The following PCDHA4 variants were observed in gnomAD, a reference collection of about 807,000 sequenced individuals.
The protein encoded by PCDHA4 is protocadherin alpha 4.
A neutral mutation model predicts 61.4 loss-of-function variants in PCDHA4; 49 were observed. The observed-to-expected ratio is 0.80, with a 90% CI of 0.63 to 1.01. The LOEUF is 1.01. Among genes scored for constraint, PCDHA4 ranks in the 50% least tolerant of loss-of-function variants. PCDHA4 has a pLI of 0.00. For missense variants in PCDHA4, 1,254 were observed against 1,235.8 expected, an observed-to-expected ratio of 1.01 and a Z score of -0.22; for synonymous variants, 590 against 550.3, an observed-to-expected ratio of 1.07 and a Z score of -1.01.
Position 140,994,560 on chromosome 5 carries a change from C to T in PCDHA4, c.2533+11997C>T, listed in dbSNP as rs140191916. Among the ~76,000 whole-genome samples, 970 of 152,032 alleles carry T rather than the reference C, an allele frequency of 6.4e-3. 14 individuals carry two copies. Among genetic ancestry groups the T allele is most frequent in the African/African-American group, 0.023 (943 of 41,474 alleles). On this transcript the variant is annotated intron_variant, in intron 3 of 3. Coordinates refer to ENST00000530339, the MANE Select transcript of PCDHA4 (RefSeq NM_018907.4). ...TCTACAAAAAAAATATAAAAATTAG[C>T]CGGGTGTGGTGGCATGCACTTGTAG...
rs2150360253 is a variant in PCDHA4, at chr5:140,843,448, C to T, written c.2385+33876C>T. ...TCATCGCCATCTGCGCGGTATCCAGCCTGCTGGTGCTCACGCTGCTGCTGT... is the reference window on the plus strand; with the variant it reads ...TCATCGCCATCTGCGCGGTATCCAGTCTGCTGGTGCTCACGCTGCTGCTGT... On this transcript the variant is annotated intron_variant, in intron 1 of 3. Transcript: ENST00000530339. The T allele has an allele frequency of 1.9e-6, 3 of 1,595,998 alleles. No homozygotes were observed. The South Asian group carries it at 3.3e-5, about 18-fold the overall frequency.
At chr5:140,827,338 G>A (rs1158154683) in intron 1 of PCDHA4, among the ~76,000 whole-genome samples, 1 of 152,144 alleles carries the variant, frequency 6.6e-6, no homozygotes, top group Non-Finnish European at 1.5e-5. Flanking sequence ...AAGTGGTGAA[G>A]TATATGAAAA....
intron 3 of PCDHA4, 32 bp downstream of exon 3, chr5:140,982,595 G>A (rs1554244629): frequency 6.2e-7 from 1 of 1,609,520 alleles, no homozygotes; most frequent in Non-Finnish European, 8.5e-7. Flanking sequence ...ATTCTTTCTT[G>A]GTTTCTGGAA....
intron 1 of PCDHA4, among the ~76,000 whole-genome samples, chr5:140,895,223 G>A (rs782692616): frequency 4.0e-4 from 61 of 152,232 alleles, no homozygotes; most frequent in Admixed American, 2.6e-4. Flanking sequence ...ATATTTTACT[G>A]AGTTTTCTCA....
At chr5:140,828,657 A>C in intron 1 of PCDHA4, 1 of 1,614,208 alleles carries the variant, frequency 6.2e-7, no homozygotes, top group Non-Finnish European at 8.5e-7. Context: ...AGTGATGACA[A>C]TAAACAAATT....
At chr5:140,834,986 C>G (rs2150229667) in intron 1 of PCDHA4, 1 of 1,457,962 alleles carries the variant, frequency 6.9e-7, no homozygotes, top group Admixed American at 2.1e-5. Flanking sequence ...AACTTTTAGA[C>G]AGAGAAGAAA....
At chr5:140,870,371 T>C (rs1419353241) in intron 1 of PCDHA4, 52 of 1,613,894 alleles carry the variant, frequency 3.2e-5, no homozygotes, top group Non-Finnish European at 4.2e-5. Flanking sequence ...TATGAACTGG[T>C]GGTGACTGCG....
At chr5:140,877,270 G>C in intron 1 of PCDHA4, 2 of 1,613,864 alleles carry the variant, frequency 1.2e-6, no homozygotes, top group Non-Finnish European at 1.7e-6. Context: ...GGTGGACGCT[G>C]ACTCCGGCTA....
intron 3 of PCDHA4, among the ~76,000 whole-genome samples, chr5:141,005,884 T>G (rs1554260408): frequency 6.6e-6 from 1 of 151,862 alleles, no homozygotes; most frequent in Non-Finnish European, 1.5e-5. Flanking sequence ...GAGTTTGAGG[T>G]TACATCAAGC....
intron 1 of PCDHA4, chr5:140,850,322 C>T (rs2150479524): frequency 2.5e-6 from 4 of 1,597,492 alleles, no homozygotes; most frequent in Non-Finnish European, 3.4e-6. Flanking sequence ...GGCTTTCATA[C>T]GAGCTGCAGC....
intron 1 of PCDHA4, among the ~76,000 whole-genome samples, chr5:140,846,239 T>TATACA (rs1419115940): frequency 1.3e-5 from 2 of 149,652 alleles, no homozygotes; most frequent in Admixed American, 6.7e-5. Context: ...TAAAAAGAAG[T>TATACA]ATACAATAAT....
In PCDHA4 at chr5:140,958,926, C is replaced by T. The variant is rs2095452227; in HGVS notation, c.2386-20023C>T. Among the ~76,000 whole-genome samples the T allele has an allele frequency of 2.1e-5, 3 of 143,506 alleles. No individual in the cohort carries two copies. The Admixed American group carries it at 2.1e-4, about 10-fold the overall frequency. The allele number at this position is 143,506 out of a possible 152,430, so 94.1% of individuals were successfully genotyped here. A position where few individuals can be genotyped will look rare whatever the true frequency, so the allele number is the denominator to read the frequency against. Reference sequence around the variant, plus strand: ...AGAAAAGTCTGCCTGGGTGTGGTGGCTCATACTTGTAATAATATTATATTA... The same window carrying T: ...AGAAAAGTCTGCCTGGGTGTGGTGGTTCATACTTGTAATAATATTATATTA... On this transcript the variant is annotated intron_variant, in intron 1 of 3. Transcript: ENST00000530339.
chr5:140,969,049 C>A, intron 1 of PCDHA4: 1 of 1,614,142 alleles, frequency 6.2e-7, no homozygotes, highest in Non-Finnish European at 8.5e-7. Context: ...AACAAGCCAA[C>A]AACAATATTG....
In PCDHA4 at chr5:140,843,632, G is replaced by A. The variant is rs2150363931; in HGVS notation, c.2385+34060G>A. 5 of 1,595,852 alleles carry A rather than the reference G, an allele frequency of 3.1e-6. No homozygotes were observed. In the African/African-American group the frequency reaches 4.0e-5, roughly 13 times the overall value. ...GGGGCCACCGAAGACGGACCTCATG[G>A]CCTTCAGCCCCTGCCTTCCTCCTGA... On this transcript the variant is annotated intron_variant, in intron 1 of 3. Transcript: ENST00000530339.
rs143144725 is a variant in PCDHA4 at position 140,850,029 on chromosome 5, G to A, written c.2385+40457G>A. Reference sequence around the variant, plus strand: ...GCTGTCGAGCTACGTGTCAGTGCACGCGGAGAGCGGCAAGGTGTACGCGCT... The same window carrying A: ...GCTGTCGAGCTACGTGTCAGTGCACACGGAGAGCGGCAAGGTGTACGCGCT... On this transcript the variant is annotated intron_variant, in intron 1 of 3. Coordinates refer to ENST00000530339, the MANE Select transcript of PCDHA4 (RefSeq NM_018907.4). 1.3e-4 allele frequency: 205 copies of A among 1,596,756 alleles called. 11 individuals carry two copies. In the African/African-American group the frequency reaches 2.2e-3, roughly 17 times the overall value.
intron 1 of PCDHA4, chr5:140,815,235 G>A (rs2126662512): frequency 6.6e-5 from 10 of 152,072 alleles, no homozygotes; most frequent in African/African-American, 2.2e-4. Context: ...TTTGTTAATT[G>A]TTGTTTGCAG....
intron 3 of PCDHA4, among the ~76,000 whole-genome samples, chr5:140,997,397 A>G (rs782082443): frequency 4.6e-5 from 7 of 152,194 alleles, no homozygotes; most frequent in African/African-American, 7.2e-5. Flanking sequence ...CTTAGGCTCT[A>G]TCGTATGGCC....
At chr5:140,958,374 A>G (rs953397625) in intron 1 of PCDHA4, among the ~76,000 whole-genome samples, 3 of 152,134 alleles carry the variant, frequency 2.0e-5, no homozygotes, top group African/African-American at 7.2e-5. Context: ...GAATGTTGCT[A>G]TTTTCTTAAC....
At chr5:140,842,654 G>A in intron 1 of PCDHA4, 1 of 1,595,506 alleles carries the variant, frequency 6.3e-7, no homozygotes, top group Non-Finnish European at 8.6e-7. Context: ...GTCTGTGGAG[G>A]TGGCCGACGT....
Sources: gnomAD v4.1 joint callset for allele counts (sites outside exome capture counted in the v4.1 genomes callset) on GRCh38, gnomAD v4.1.1 for gene constraint, MANE v1.5 for transcripts, NCBI Gene and HGNC (gene_info 2026-07-23, HGNC 2026-07-21) for gene names.